Variants in KLF8 observed in about 807,000 individuals in gnomAD.
The protein encoded by KLF8 is KLF transcription factor 8.
Under a neutral mutation model 18.2 loss-of-function variants are expected in KLF8, and 10 were observed. The observed-to-expected ratio is 0.55, with a 90% CI of 0.34 to 0.93. KLF8 has a LOEUF of 0.93. Among genes scored for constraint, KLF8 ranks in the 40% least tolerant of loss-of-function variants. KLF8 has a pLI of 0.02. For synonymous variants in KLF8, 109 were observed against 97.3 expected, an observed-to-expected ratio of 1.12 and a Z score of -0.71; for missense variants, 264 against 277.9, an observed-to-expected ratio of 0.95 and a Z score of 0.36.
At chrX:55,922,801 C>T in the KLF8 span, among the ~76,000 whole-genome samples, 1 of 111,311 alleles carries the variant, frequency 9.0e-6, no homozygotes. Context: ...AGTCAGGATG[C>T]CTATTATTAA....
At chrX:56,156,825 T>C in the KLF8 span, among the ~76,000 whole-genome samples, 2 of 105,876 alleles carry the variant, frequency 1.9e-5, no homozygotes, top group African/African-American at 3.4e-5. Flanking sequence ...TGTTTAGTTT[T>C]TTGTCCTTGT....
chrX:56,020,458 C>T, the KLF8 span, among the ~76,000 whole-genome samples: 1 of 111,492 alleles, frequency 9.0e-6, no homozygotes, highest in South Asian at 3.8e-4. Context: ...TGTAGAGAAG[C>T]AGGTAGATTC....
the KLF8 span, among the ~76,000 whole-genome samples, chrX:55,910,147 C>T: frequency 7.1e-5 from 8 of 111,948 alleles, no homozygotes; most frequent in East Asian, 5.6e-4. Context: ...TCTTACTCAG[C>T]GGTCCAGGGT....
At chrX:56,179,694 G>A in the KLF8 span, among the ~76,000 whole-genome samples, 1 of 111,782 alleles carries the variant, frequency 8.9e-6, no homozygotes, top group Non-Finnish European at 1.9e-5. Flanking sequence ...AGAGTTTTTA[G>A]CATGAAGGGT....
At chrX:56,066,802 A>G in the KLF8 span, among the ~76,000 whole-genome samples, 7 of 110,849 alleles carry the variant, frequency 6.3e-5, no homozygotes, top group African/African-American at 2.3e-4. Flanking sequence ...GTAACTGCCT[A>G]GGACTCAGGA....
chrX:56,158,007 G>A, the KLF8 span, among the ~76,000 whole-genome samples: 1 of 111,911 alleles, frequency 8.9e-6, no homozygotes, highest in East Asian at 2.8e-4. Context: ...TCCTTCTAGG[G>A]TTTTTACGGT....
the KLF8 span, among the ~76,000 whole-genome samples, chrX:56,091,669 A>AT: frequency 1.2e-4 from 13 of 110,351 alleles, no homozygotes; most frequent in Non-Finnish European, 1.9e-5. Flanking sequence ...TAATTTTTGT[A>AT]TTTTTAGTAG....
At chrX:56,196,626 A>T in the KLF8 span, among the ~76,000 whole-genome samples, 1 of 111,536 alleles carries the variant, frequency 9.0e-6, no homozygotes, top group African/African-American at 3.3e-5. Flanking sequence ...AAAGAGACTT[A>T]GAATCCCACA....
the KLF8 span, among the ~76,000 whole-genome samples, chrX:56,195,225 G>A: frequency 8.9e-6 from 1 of 112,378 alleles, no homozygotes; most frequent in East Asian, 2.8e-4. Context: ...TCTGGATGGA[G>A]TATGACTTTG....
chrX:56,024,703 CAGA>C, the KLF8 span, among the ~76,000 whole-genome samples: 77 of 111,575 alleles, frequency 6.9e-4, no homozygotes, highest in African/African-American at 2.5e-3. Flanking sequence ...TGAAACAGAA[CAGA>C]AGGAGAAGTT....
the KLF8 span, among the ~76,000 whole-genome samples, chrX:56,156,823 T>C: frequency 9.5e-6 from 1 of 105,593 alleles, no homozygotes; most frequent in Non-Finnish European, 1.9e-5. Flanking sequence ...GATGTTTAGT[T>C]TTTTGTCCTT....
chrX:56,051,378 T>A, the KLF8 span, among the ~76,000 whole-genome samples: 3 of 111,077 alleles, frequency 2.7e-5, no homozygotes, highest in African/African-American at 9.9e-5. Context: ...GGTCTTTACA[T>A]TTTGGCATGA....
chrX:56,162,719 G>T, the KLF8 span, among the ~76,000 whole-genome samples: 332 of 111,127 alleles, frequency 3.0e-3, no homozygotes, highest in African/African-American at 0.01. Flanking sequence ...GCACTTCCTG[G>T]GTGAGGTGAT....
the KLF8 span, among the ~76,000 whole-genome samples, chrX:56,215,213 A>G: frequency 8.9e-6 from 1 of 111,999 alleles, no homozygotes; most frequent in South Asian, 3.8e-4. Flanking sequence ...TGACAGCTTG[A>G]AACTACCACT....
chrX:56,245,280 T>A (rs186915827), intron 1 of KLF8, among the ~76,000 whole-genome samples: 1 of 111,870 alleles, frequency 8.9e-6, no homozygotes, highest in African/African-American at 3.2e-5. Context: ...ACTTTATCTC[T>A]AGGCATTTTT....
rs1036061634 is a variant in KLF8 at position 56,284,834 on chromosome X, A to G, written c.*340A>G. The G allele has an allele frequency of 1.6e-5, 3 of 192,741 alleles. No homozygotes were observed. The East Asian group carries it at 2.9e-4, about 19-fold the overall frequency. The allele number at this position is 192,741 out of a possible 1,213,427, so 15.9% of individuals were successfully genotyped here. A position where few individuals can be genotyped will look rare whatever the true frequency, so the allele number is the denominator to read the frequency against. ...ATCAAACTCAAGGCTGTGAACAAAC[A>G]TACGCTGCTTTATTCTTTCCAATTT... On this transcript the variant is annotated 3_prime_UTR_variant, in exon 6 of 6. Coordinates refer to ENST00000468660, the MANE Select transcript of KLF8 (RefSeq NM_007250.5).
At chrX:55,946,680 AC>A in the KLF8 span, among the ~76,000 whole-genome samples, 1 of 111,748 alleles carries the variant, frequency 8.9e-6, no homozygotes, top group Non-Finnish European at 1.9e-5. Context: ...AAAAGAAACT[AC>A]CATGAGAGTG....
intron 2 of KLF8, among the ~76,000 whole-genome samples, chrX:56,257,064 A>T (rs2066807255): frequency 8.9e-6 from 1 of 111,836 alleles, no homozygotes; most frequent in African/African-American, 3.3e-5. Context: ...AAACATTAAT[A>T]AATTAATGTT....
chrX:56,072,139 T>C, the KLF8 span, among the ~76,000 whole-genome samples: 1 of 111,719 alleles, frequency 9.0e-6, no homozygotes, highest in Non-Finnish European at 1.9e-5. Flanking sequence ...AAAAGGACAG[T>C]CGAGATTTTG....
Sources: gnomAD v4.1 joint callset for allele counts (sites outside exome capture counted in the v4.1 genomes callset) on GRCh38, gnomAD v4.1.1 for gene constraint, MANE v1.5 for transcripts, NCBI Gene and HGNC (gene_info 2026-07-23, HGNC 2026-07-21) for gene names.